Variants in PRKCZ observed in about 807,000 individuals in gnomAD.
The protein encoded by PRKCZ is protein kinase C zeta, also known as protein kinase C zeta type.
A neutral mutation model predicts 79.5 loss-of-function variants in PRKCZ; 33 were observed. The observed-to-expected ratio is 0.41, with a 90% confidence interval of 0.31 to 0.55. The LOEUF is 0.55. Ranked by LOEUF, PRKCZ falls within the 20% of genes least tolerant of loss-of-function variation. PRKCZ has a pLI of 0.19. For missense variants in PRKCZ, 578 were observed against 813.5 expected (o/e 0.71, Z 3.52); for synonymous variants, 342 against 320.9 (o/e 1.07, Z -0.70).
chr1:2,181,022 T>C (rs882785), intron 16 of PRKCZ, among the ~76,000 whole-genome samples: 85,392 of 151,306 alleles, frequency 0.56, 25,390 homozygotes, highest in East Asian at 0.9. Context: ...GCTCGTCCAT[T>C]CTGTGCCTGA....
At chr1:2,126,141 C>T (rs1673831945) in intron 4 of PRKCZ, among the ~76,000 whole-genome samples, 1 of 152,206 alleles carries the variant, frequency 6.6e-6, no homozygotes, top group African/African-American at 2.4e-5. Flanking sequence ...CGTCACGTCT[C>T]CTCCCCCCGC....
intron 10 of PRKCZ, among the ~76,000 whole-genome samples, chr1:2,166,358 G>T (rs1280209998): frequency 6.6e-6 from 1 of 152,212 alleles, no homozygotes; most frequent in Non-Finnish European, 1.5e-5. Context: ...GGTCGAGGCT[G>T]CAGTGAGCCA....
At chr1:2,148,580 C>T (rs1488288202) in intron 7 of PRKCZ, among the ~76,000 whole-genome samples, 2 of 152,240 alleles carry the variant, frequency 1.3e-5, no homozygotes, top group Non-Finnish European at 2.9e-5. Context: ...CCTGCCCCTA[C>T]CCACCCATTC....
chr1:2,180,279 A>C lies in PRKCZ; in HGVS notation c.1576-4304A>C, dbSNP rs539537508. ...GATCCTCGGTGGGGCTTTAAGGCCAACCTGTTTATGAAAATGCATGGGGAC... is the reference window on the plus strand; with the variant it reads ...GATCCTCGGTGGGGCTTTAAGGCCACCCTGTTTATGAAAATGCATGGGGAC... On this transcript the variant is annotated intron_variant, in intron 16 of 17. Coordinates refer to ENST00000378567, the MANE Select transcript of PRKCZ (RefSeq NM_002744.6). Among the ~76,000 whole-genome samples the C allele has an allele frequency of 3.9e-5, 6 of 152,258 alleles. No individual in the cohort carries two copies. In the South Asian group the frequency reaches 1.2e-3, roughly 32 times the overall value.
At chr1:2,063,317 A>G (rs1400600182) in intron 4 of PRKCZ, among the ~76,000 whole-genome samples, 1 of 152,134 alleles carries the variant, frequency 6.6e-6, no homozygotes, top group African/African-American at 2.4e-5. Context: ...TTCTATTTTT[A>G]TTCATTTATT....
intron 4 of PRKCZ, among the ~76,000 whole-genome samples, chr1:2,071,067 C>A (rs1661538134): frequency 6.6e-6 from 1 of 152,164 alleles, no homozygotes; most frequent in Admixed American, 6.5e-5. Context: ...GGCGTGCGAC[C>A]TGGGCAATGC....
At chr1:2,118,960 G>T (rs1671312082) in intron 4 of PRKCZ, among the ~76,000 whole-genome samples, 1 of 152,012 alleles carries the variant, frequency 6.6e-6, no homozygotes, top group South Asian at 2.1e-4. Flanking sequence ...TTGTAGCTTT[G>T]TCATCTTGCT....
At position 2,089,397 on chromosome 1, in the gene PRKCZ, G is replaced by A. The variant is rs534401826; in HGVS notation, c.334+29806G>A. Among the ~76,000 whole-genome samples the A allele has an allele frequency of 3.3e-5, 5 of 152,274 alleles. No homozygotes were observed. In the East Asian group the frequency reaches 5.8e-4, roughly 18 times the overall value. On this transcript the variant is annotated intron_variant, in intron 4 of 17. Transcript: ENST00000378567. ...CCGTCTCTGGTCCGTCGGGGTCTGC[G>A]TTCATTTGCTTCAGCCTCTGTGAGG...
At position 2,144,350 on chromosome 1, in the gene PRKCZ, C is replaced by T. The variant is rs1297845455; in HGVS notation, c.552+9C>T. 2.6e-6 allele frequency: 4 copies of T among 1,566,908 alleles called. No homozygotes were observed. The highest frequency in any genetic ancestry group is 2.3e-5 in the East Asian group (1 of 43,272). On this transcript the variant is annotated intron_variant, in intron 6 of 17. Coordinates refer to ENST00000378567, the MANE Select transcript of PRKCZ (RefSeq NM_002744.6). ...CCTGCAGGAAGCATATGGTGAGTGG[C>T]AGGGCTGGGGAGGCCCGGGGGGCAC...
Position 2,168,640 on chromosome 1 carries a change from C to T in PRKCZ, c.975-878C>T, listed in dbSNP as rs924334659. ...AGGAGCAGGGACAGGTGCCTTGAGGCGTAACAGTGGCGGTGGTGTGGGAGC... is the reference window on the plus strand; with the variant it reads ...AGGAGCAGGGACAGGTGCCTTGAGGTGTAACAGTGGCGGTGGTGTGGGAGC... On this transcript the variant is annotated intron_variant, in intron 10 of 17. Transcript: ENST00000378567. The surrounding 1 kb of genome is among the most constrained non-coding windows in gnomAD (Gnocchi z 4.7). Among the ~76,000 whole-genome samples, 1 of 152,094 alleles carries T rather than the reference C, an allele frequency of 6.6e-6. No individual in the cohort carries two copies. The highest frequency in any genetic ancestry group is 1.5e-5 in the Non-Finnish European group (1 of 68,014).
chr1:2,093,978 G>A (rs3128325), intron 4 of PRKCZ, among the ~76,000 whole-genome samples: 6,733 of 152,230 alleles, frequency 0.044, 532 homozygotes, highest in African/African-American at 0.15. Flanking sequence ...CTCCAGGCCC[G>A]GGTGGAGGAA....
intron 10 of PRKCZ, among the ~76,000 whole-genome samples, chr1:2,160,293 C>T (rs376776998): frequency 1.1e-4 from 17 of 150,746 alleles, no homozygotes; most frequent in African/African-American, 4.0e-4. Flanking sequence ...TTGAAACCTG[C>T]CCGAAGCTCT....
At chr1:2,062,327 G>A (rs1409802985) in intron 4 of PRKCZ, among the ~76,000 whole-genome samples, 1 of 152,026 alleles carries the variant, frequency 6.6e-6, no homozygotes, top group African/African-American at 2.4e-5. Context: ...TGGACGTTTG[G>A]TGTCCGTGGA....
intron 4 of PRKCZ, 156 bp from the exon 5 acceptor site, chr1:2,135,106 G>A: frequency 1.7e-6 from 1 of 589,778 alleles, no homozygotes; most frequent in Middle Eastern, 4.6e-4. Context: ...GGCAGAGAGA[G>A]GCCTCCGGGA....
In PRKCZ at chr1:2,050,493, G is replaced by A. The variant is rs1017101013; in HGVS notation, c.-138G>A. On this transcript the variant is annotated 5_prime_UTR_variant, in exon 1 of 18. Coordinates refer to ENST00000378567, the MANE Select transcript of PRKCZ (RefSeq NM_002744.6). Reference sequence around the variant, plus strand: ...CCGCCCCGCGCGCCGCCGGAGTTCCGCGGAGTTGACCGGGTCGGCGCCGTC... The same window carrying A: ...CCGCCCCGCGCGCCGCCGGAGTTCCACGGAGTTGACCGGGTCGGCGCCGTC... 3 of 389,618 alleles carry A rather than the reference G, an allele frequency of 7.7e-6. No homozygotes were observed. The highest frequency in any genetic ancestry group is 2.2e-5 in the African/African-American group (1 of 46,350). 24.1% of individuals were successfully genotyped at this position (389,618 alleles called of 1,614,324 possible).
In PRKCZ at chr1:2,174,149, T is replaced by G; in HGVS notation, c.1405+133T>G. ...TGCAAAGCGTACCGGGAACCATTCC[T>G]CCTGGCCAGACCCTGTGTCACATGC... On this transcript the variant is annotated intron_variant, in intron 14 of 17. Coordinates refer to ENST00000378567, the MANE Select transcript of PRKCZ (RefSeq NM_002744.6). This position sits in a 1 kb window ranked among gnomAD's most constrained non-coding sequence, Gnocchi z 6.2. The G allele has an allele frequency of 8.1e-7, 1 of 1,227,594 alleles. No individual in the cohort carries two copies. The highest frequency in any genetic ancestry group is 1.1e-6 in the Non-Finnish European group (1 of 921,182). The allele number at this position is 1,227,594 out of a possible 1,614,324, so 76.0% of individuals were successfully genotyped here.
At position 2,149,708 on chromosome 1, in the gene PRKCZ, A is replaced by C. The variant is rs1366200432; in HGVS notation, c.687+784A>C. Among the ~76,000 whole-genome samples, 3 of 152,088 alleles carry C rather than the reference A, an allele frequency of 2.0e-5. No homozygotes were observed. The highest frequency in any genetic ancestry group is 2.0e-4 in the Admixed American group (3 of 15,266). On this transcript the variant is annotated intron_variant, in intron 8 of 17. Transcript: ENST00000378567. The surrounding 1 kb of genome is among the most constrained non-coding windows in gnomAD (Gnocchi z 4.1). ...CTGTTCCTACAAAAATAAATACAAA[A>C]TAATTAGCTGGGCATGGTGGCACGG...
At chr1:2,102,553 CG>C (rs1409573897) in intron 4 of PRKCZ, among the ~76,000 whole-genome samples, 2 of 151,968 alleles carry the variant, frequency 1.3e-5, no homozygotes, top group Non-Finnish European at 2.9e-5. Flanking sequence ...GGGATGGTCT[CG>C]ATCTCCTGAC....
rs1444496556 is a variant in PRKCZ at position 2,178,447 on chromosome 1, G to T, written c.1575+3134G>T. ...TGCATCCGTCCTCAGTGGACATAGG[G>T]TGGCCTCCACTTTCTGGCCATTGTG... On this transcript the variant is annotated intron_variant, in intron 16 of 17. Transcript: ENST00000378567. This position sits in a 1 kb window ranked among gnomAD's most constrained non-coding sequence, Gnocchi z 4.3. Among the ~76,000 whole-genome samples, 1 of 152,216 alleles carries T rather than the reference G, an allele frequency of 6.6e-6. No homozygotes were observed. The highest frequency in any genetic ancestry group is 1.9e-4 in the East Asian group (1 of 5,190).
Sources: allele counts gnomAD v4.1 joint callset (sites outside exome capture counted in the v4.1 genomes callset), GRCh38; gene constraint gnomAD v4.1.1; non-coding constraint Gnocchi (gnomAD v3.1); transcripts MANE v1.5; gene names NCBI Gene and HGNC (gene_info 2026-07-23, HGNC 2026-07-21).